TMEM123: variants seen among roughly 807,000 people sequenced by gnomAD.
TMEM123 encodes transmembrane protein 123, also known as porimin.
A neutral mutation model predicts 19.7 loss-of-function variants in TMEM123; 16 were observed. That is an observed-to-expected ratio of 0.81 (90% CI 0.55 to 1.23). The LOEUF is 1.23. TMEM123 is among the 50% of genes most tolerant of loss of function. TMEM123 has a pLI of 0.00. For synonymous variants in TMEM123, 118 were observed against 99.4 expected (o/e 1.19, Z -1.12); for missense variants, 313 against 257.8 (o/e 1.21, Z -1.47).
intron 2 of TMEM123, among the ~76,000 whole-genome samples, chr11:102,435,256 A>C (rs1274926481): frequency 2.0e-5 from 3 of 151,998 alleles, no homozygotes; most frequent in African/African-American, 7.2e-5. Context: ...ACAAGCTAAC[A>C]AAAAGACAAC....
chr11:102,441,036 C>T (rs535943047), intron 2 of TMEM123, among the ~76,000 whole-genome samples: 2 of 152,198 alleles, frequency 1.3e-5, no homozygotes, highest in Admixed American at 6.5e-5. Flanking sequence ...GCACCCAGAT[C>T]CATAAAGCAA....
intron 2 of TMEM123, among the ~76,000 whole-genome samples, chr11:102,445,085 G>A (rs1180041647): frequency 6.6e-6 from 1 of 152,130 alleles, no homozygotes; most frequent in Non-Finnish European, 1.5e-5. Flanking sequence ...ATGCGTTAAT[G>A]GGTGTAGCAC....
chr11:102,452,483 G>A, intron 1 of TMEM123, 41 bp downstream of exon 1: 3 of 1,412,566 alleles, frequency 2.1e-6, no homozygotes, highest in South Asian at 1.4e-5. Flanking sequence ...GCAGCGCGCT[G>A]CCTCCCACGA....
At chr11:102,416,969 C>CT (rs1952048191) in intron 2 of TMEM123, among the ~76,000 whole-genome samples, 1 of 152,144 alleles carries the variant, frequency 6.6e-6, no homozygotes, top group African/African-American at 2.4e-5. Flanking sequence ...CCTCAACAAT[C>CT]TAGGTATTAA....
intron 2 of TMEM123, among the ~76,000 whole-genome samples, chr11:102,411,608 G>C (rs1334546225): frequency 2.6e-5 from 4 of 151,662 alleles, no homozygotes; most frequent in African/African-American, 7.3e-5. Flanking sequence ...ACTAAATCCA[G>C]ATAGGTAGTA....
At chr11:102,402,677 A>G (rs2135842241) in intron 2 of TMEM123, among the ~76,000 whole-genome samples, 1 of 152,362 alleles carries the variant, frequency 6.6e-6, no homozygotes, top group Admixed American at 6.5e-5. Context: ...GCATGTTTCT[A>G]ACCCTCCTGG....
chr11:102,404,021 A>G (rs1379578808), intron 2 of TMEM123, among the ~76,000 whole-genome samples: 2 of 152,138 alleles, frequency 1.3e-5, no homozygotes, highest in Admixed American at 1.3e-4. Context: ...TCAATTACCT[A>G]GTCTCAGGTA....
At chr11:102,411,161 T>C (rs1952000924) in intron 2 of TMEM123, among the ~76,000 whole-genome samples, 1 of 152,082 alleles carries the variant, frequency 6.6e-6, no homozygotes, top group Non-Finnish European at 1.5e-5. Context: ...TCACCAGAAA[T>C]ACCAGGTGAT....
At chr11:102,452,248 A>T (rs1857949249) in intron 1 of TMEM123, 1 of 346,098 alleles carries the variant, frequency 2.9e-6, no homozygotes, top group East Asian at 4.4e-5. Flanking sequence ...GCGGTAACTC[A>T]ACAGGTTATG....
chr11:102,422,310 C>G (rs543802224), intron 2 of TMEM123, among the ~76,000 whole-genome samples: 1 of 152,046 alleles, frequency 6.6e-6, no homozygotes, highest in Non-Finnish European at 1.5e-5. Context: ...CTTGTCTCTA[C>G]TAAAGAATAC....
chr11:102,418,349 C>T (rs927597514), intron 2 of TMEM123, among the ~76,000 whole-genome samples: 3 of 151,498 alleles, frequency 2.0e-5, no homozygotes, highest in Admixed American at 1.3e-4. Flanking sequence ...AAAAACAACC[C>T]TTATTGAAAG....
At chr11:102,429,705 C>T (rs1343697248) in intron 2 of TMEM123, among the ~76,000 whole-genome samples, 3 of 152,204 alleles carry the variant, frequency 2.0e-5, no homozygotes, top group Non-Finnish European at 4.4e-5. Context: ...ACATCTTATA[C>T]ATAGCATCTT....
At chr11:102,437,234 T>C (rs1352505205) in intron 2 of TMEM123, among the ~76,000 whole-genome samples, 1 of 152,166 alleles carries the variant, frequency 6.6e-6, no homozygotes. Context: ...CAGTGTTTCC[T>C]GGGTTTTCCC....
intron 2 of TMEM123, among the ~76,000 whole-genome samples, chr11:102,427,263 A>G (rs1471080696): frequency 6.6e-6 from 1 of 151,898 alleles, no homozygotes; most frequent in Non-Finnish European, 1.5e-5. Flanking sequence ...CCACACTTAC[A>G]TGAACTCGAT....
chr11:102,425,567 T>C (rs1312650105), intron 2 of TMEM123, among the ~76,000 whole-genome samples: 3 of 151,196 alleles, frequency 2.0e-5, no homozygotes, highest in Non-Finnish European at 4.4e-5. Flanking sequence ...GGATTGTTTT[T>C]TTTTTTTTCT....
intron 2 of TMEM123, among the ~76,000 whole-genome samples, chr11:102,411,812 T>C (rs1206749493): frequency 6.6e-6 from 1 of 152,246 alleles, no homozygotes; most frequent in Non-Finnish European, 1.5e-5. Context: ...TTTCATTTCA[T>C]TCTATCAAAG....
intron 2 of TMEM123, among the ~76,000 whole-genome samples, chr11:102,438,128 A>G (rs1857784662): frequency 6.6e-6 from 1 of 152,180 alleles, no homozygotes; most frequent in Admixed American, 6.5e-5. Context: ...ATCTCGGCTC[A>G]CTGCAATCTC....
intron 2 of TMEM123, among the ~76,000 whole-genome samples, chr11:102,432,675 G>A (rs1017465375): frequency 6.6e-6 from 1 of 152,232 alleles, no homozygotes; most frequent in Non-Finnish European, 1.5e-5. Context: ...AAGACAATGG[G>A]GAAAATGTCT....
At chr11:102,450,460 C>T (rs1857926285) in intron 1 of TMEM123, among the ~76,000 whole-genome samples, 1 of 152,178 alleles carries the variant, frequency 6.6e-6, no homozygotes, top group South Asian at 2.1e-4. Flanking sequence ...TGCTGATTTG[C>T]AAACTTGCTC....
Sources: allele counts gnomAD v4.1 joint callset (sites outside exome capture counted in the v4.1 genomes callset), GRCh38; gene constraint gnomAD v4.1.1; transcripts MANE v1.5; gene names NCBI Gene and HGNC (gene_info 2026-07-23, HGNC 2026-07-21).